CSMD3: variants seen among roughly 807,000 people sequenced by gnomAD.
The protein encoded by CSMD3 is CUB and Sushi multiple domains 3.
Under a neutral mutation model 435.2 loss-of-function variants are expected in CSMD3, and 177 were observed. The observed-to-expected ratio is 0.41, with a 90% CI of 0.36 to 0.46. The LOEUF is 0.46. Ranked by LOEUF, CSMD3 falls within the 20% of genes least tolerant of loss-of-function variation. The pLI, the probability that CSMD3 is intolerant of heterozygous loss-of-function variation, is 0.34. For missense variants in CSMD3, 4,265 were observed against 4,504.6 expected, an observed-to-expected ratio of 0.95 and a Z score of 1.52; for synonymous variants, 1,656 against 1,520.5, an observed-to-expected ratio of 1.09 and a Z score of -2.07.
At chr8:112,978,042 G>A (rs1234336272) in intron 6 of CSMD3, among the ~76,000 whole-genome samples, 1 of 151,906 alleles carries the variant, frequency 6.6e-6, no homozygotes, top group Non-Finnish European at 1.5e-5. Context: ...GATCCATATT[G>A]TCCTCCTAGA....
chr8:112,341,425 T>C (rs1825101220), intron 42 of CSMD3, 52 bp downstream of exon 42: 1 of 1,150,320 alleles, frequency 8.7e-7, no homozygotes, highest in African/African-American at 1.5e-5. Flanking sequence ...TAAATATTTC[T>C]AATAGCTGAT....
intron 5 of CSMD3, among the ~76,000 whole-genome samples, chr8:113,025,556 G>C (rs80176362): frequency 6.6e-6 from 1 of 152,124 alleles, no homozygotes; most frequent in East Asian, 1.9e-4. Flanking sequence ...GGAGCATACC[G>C]ATGCAGTGAA....
At chr8:113,354,633 G>GTTTTGT (rs1194762505) in intron 1 of CSMD3, among the ~76,000 whole-genome samples, 1 of 152,060 alleles carries the variant, frequency 6.6e-6, no homozygotes, top group Admixed American at 6.6e-5. Context: ...TATTGTTGTT[G>GTTTTGT]TTTTGTTTTT....
chr8:113,370,726 C>A (rs185551056), intron 1 of CSMD3, among the ~76,000 whole-genome samples: 4 of 152,024 alleles, frequency 2.6e-5, no homozygotes, highest in Admixed American at 2.6e-4. Flanking sequence ...CAATAAATCT[C>A]TTCCATCCCT....
chr8:112,946,325 T>G (rs910638095), intron 9 of CSMD3, among the ~76,000 whole-genome samples: 3 of 151,762 alleles, frequency 2.0e-5, no homozygotes, highest in South Asian at 2.1e-4. Context: ...ATTTTAGAAC[T>G]GAGGAAACTA....
chr8:113,429,429 A>T lies in CSMD3; in HGVS notation c.178+7248T>A, dbSNP rs1254960281. Reference sequence around the variant, plus strand: ...AATAAATAAAAATTTGATGTTAAGTACTGCCCCTCAATGCTCTTTTGAGAC... The same window carrying T: ...AATAAATAAAAATTTGATGTTAAGTTCTGCCCCTCAATGCTCTTTTGAGAC... On this transcript the variant is annotated intron_variant, in intron 1 of 70. Transcript: ENST00000297405. Among the ~76,000 whole-genome samples the T allele has an allele frequency of 3.9e-5, 6 of 152,132 alleles. No homozygotes were observed. In the East Asian group the frequency reaches 1.2e-3, roughly 29 times the overall value.
chr8:112,361,005 A>C (rs2131114628), intron 38 of CSMD3, among the ~76,000 whole-genome samples: 1 of 152,106 alleles, frequency 6.6e-6, no homozygotes, highest in South Asian at 2.1e-4. Context: ...ACTCTAAAAT[A>C]TCTTTGGGAA....
chr8:113,067,546 A>T (rs1302361277), intron 5 of CSMD3, among the ~76,000 whole-genome samples: 1 of 152,130 alleles, frequency 6.6e-6, no homozygotes. Context: ...CATTGAACAC[A>T]ATAGCAAAAA....
intron 1 of CSMD3, among the ~76,000 whole-genome samples, chr8:113,431,078 C>T (rs1355646916): frequency 6.6e-6 from 1 of 152,104 alleles, no homozygotes; most frequent in Non-Finnish European, 1.5e-5. Flanking sequence ...ATAAGAGCCT[C>T]ACAAGGGGCC....
At chr8:112,414,076 A>G (rs1461897850) in intron 32 of CSMD3, among the ~76,000 whole-genome samples, 1 of 151,968 alleles carries the variant, frequency 6.6e-6, no homozygotes, top group Admixed American at 6.6e-5. Flanking sequence ...ACTGACCTCC[A>G]TCCTGCTTCT....
intron 68 of CSMD3, among the ~76,000 whole-genome samples, chr8:112,232,654 A>G (rs1401463678): frequency 1.3e-5 from 2 of 152,202 alleles, no homozygotes; most frequent in African/African-American, 4.8e-5. Context: ...AGGGTTACAT[A>G]TATGTGCACA....
chr8:112,424,588 TCA>T (rs1554675213), intron 32 of CSMD3, among the ~76,000 whole-genome samples: 1 of 152,218 alleles, frequency 6.6e-6, no homozygotes, highest in African/African-American at 2.4e-5. Flanking sequence ...CTAAAATTAT[TCA>T]GTTTCCCTAA....
intron 13 of CSMD3, among the ~76,000 whole-genome samples, chr8:112,778,042 T>G (rs1403770578): frequency 6.6e-6 from 1 of 151,860 alleles, no homozygotes; most frequent in Non-Finnish European, 1.5e-5. Context: ...ACTACTTTTT[T>G]AAAAAATCAA....
intron 6 of CSMD3, 68 bp from the exon 7 acceptor site, chr8:112,976,216 TTTAATCAA>T: frequency 6.5e-7 from 1 of 1,537,678 alleles, no homozygotes; most frequent in Non-Finnish European, 8.9e-7. Context: ...TTCTGATAAA[TTTAATCAA>T]TCATATTCTC....
intron 32 of CSMD3, among the ~76,000 whole-genome samples, chr8:112,418,386 G>C (rs142085824): frequency 1.4e-4 from 21 of 152,176 alleles, no homozygotes; most frequent in Admixed American, 1.3e-3. Flanking sequence ...ACATTTTCAT[G>C]AATGCAAAAT....
intron 11 of CSMD3, among the ~76,000 whole-genome samples, chr8:112,843,384 C>T (rs1158543560): frequency 6.6e-6 from 1 of 151,838 alleles, no homozygotes; most frequent in Non-Finnish European, 1.5e-5. Context: ...GTCCAATTTC[C>T]TTGTTACTCC....
intron 63 of CSMD3, among the ~76,000 whole-genome samples, chr8:112,249,011 G>A (rs1815019723): frequency 6.6e-6 from 1 of 151,998 alleles, no homozygotes; most frequent in Non-Finnish European, 1.5e-5. Flanking sequence ...CTGAAGTTGT[G>A]CAAAATGGTG....
intron 13 of CSMD3, among the ~76,000 whole-genome samples, chr8:112,762,641 G>A (rs942115900): frequency 6.6e-6 from 1 of 151,822 alleles, no homozygotes; most frequent in Non-Finnish European, 1.5e-5. Flanking sequence ...ACCACTTAAA[G>A]TTATCAAGTT....
chr8:112,956,490 T>A (rs1236500659), intron 7 of CSMD3, among the ~76,000 whole-genome samples: 1 of 152,154 alleles, frequency 6.6e-6, no homozygotes, highest in Non-Finnish European at 1.5e-5. Flanking sequence ...TAAGTAGGAA[T>A]CTACCTCTAC....
Sources: allele counts gnomAD v4.1 joint callset (sites outside exome capture counted in the v4.1 genomes callset), GRCh38; gene constraint gnomAD v4.1.1; transcripts MANE v1.5; gene names NCBI Gene and HGNC (gene_info 2026-07-23, HGNC 2026-07-21).